CCDC178: variants seen among roughly 807,000 people sequenced by gnomAD.
The protein encoded by CCDC178 is coiled-coil domain-containing protein 178.
In CCDC178, 126 loss-of-function variants were observed where a neutral mutation model predicts 117.4. The ratio of observed to expected loss-of-function variants is 1.07; its 90% CI spans 0.93 to 1.24. The LOEUF is 1.24. Ranked by LOEUF, CCDC178 falls within the 50% of genes most tolerant of loss-of-function variation. The probability of loss-of-function intolerance (pLI) is 0.00; values close to 1 mark genes in which losing one functional copy is unlikely to be tolerated. For missense variants in CCDC178, 1,030 were observed against 986.9 expected (o/e 1.04, Z -0.59); for synonymous variants, 283 against 313.4 (o/e 0.90, Z 1.02).
intron 12 of CCDC178, among the ~76,000 whole-genome samples, chr18:33,284,348 A>G (rs1362459716): frequency 6.6e-6 from 1 of 152,172 alleles, no homozygotes; most frequent in South Asian, 2.1e-4. Flanking sequence ...CCCATGACAT[A>G]AGGTTACCTA....
At chr18:33,074,607 T>C (rs777919691) in intron 21 of CCDC178, among the ~76,000 whole-genome samples, 6 of 152,152 alleles carry the variant, frequency 3.9e-5, no homozygotes, top group Non-Finnish European at 7.4e-5. Context: ...ACACAAGAGA[T>C]ATTCTGTCTA....
intron 21 of CCDC178, among the ~76,000 whole-genome samples, chr18:33,051,856 A>G (rs1360591732): frequency 6.6e-6 from 1 of 152,210 alleles, no homozygotes; most frequent in Non-Finnish European, 1.5e-5. Context: ...TCAAATTAGT[A>G]TGCAACATAA....
At chr18:32,950,947 C>T (rs896522166) in intron 22 of CCDC178, among the ~76,000 whole-genome samples, 4 of 152,126 alleles carry the variant, frequency 2.6e-5, no homozygotes, top group Non-Finnish European at 5.9e-5. Flanking sequence ...TGTCTTCTAA[C>T]ATATTTTTTT....
intron 8 of CCDC178, among the ~76,000 whole-genome samples, chr18:33,347,091 A>C (rs1326241742): frequency 6.6e-6 from 1 of 152,248 alleles, no homozygotes; most frequent in East Asian, 1.9e-4. Context: ...GAACAAGCAC[A>C]TGGTCTTTGC....
intron 15 of CCDC178, among the ~76,000 whole-genome samples, chr18:33,233,696 T>C (rs1272047357): frequency 6.6e-6 from 1 of 152,062 alleles, no homozygotes; most frequent in African/African-American, 2.4e-5. Context: ...AGGTTGAATG[T>C]TTTATACACA....
chr18:33,393,508 T>C (rs574692356), intron 4 of CCDC178, among the ~76,000 whole-genome samples: 5 of 152,148 alleles, frequency 3.3e-5, no homozygotes, highest in South Asian at 2.1e-4. Context: ...TCATCTACTA[T>C]AGGCAACTGT....
chr18:33,297,958 C>T (rs891169143), intron 11 of CCDC178, among the ~76,000 whole-genome samples: 3 of 151,640 alleles, frequency 2.0e-5, no homozygotes, highest in Non-Finnish European at 2.9e-5. Flanking sequence ...AGGAGAATGG[C>T]GTGAACCTGG....
chr18:33,397,323 T>C (rs2063653228), intron 3 of CCDC178, 115 bp from the exon 4 acceptor site: 4 of 576,908 alleles, frequency 6.9e-6, no homozygotes, highest in East Asian at 6.0e-5. Flanking sequence ...TAAAGACATA[T>C]AGGCTAAATT....
At chr18:33,289,292 T>C (rs1393938269) in intron 12 of CCDC178, among the ~76,000 whole-genome samples, 3 of 152,156 alleles carry the variant, frequency 2.0e-5, no homozygotes, top group Non-Finnish European at 2.9e-5. Flanking sequence ...ATCTTGAATC[T>C]TATTTGCAAG....
Position 33,207,915 on chromosome 18 carries a change from G to A in CCDC178, c.2238+3981C>T, listed in dbSNP as rs547716127. On this transcript the variant is annotated intron_variant, in intron 20 of 22. Transcript: ENST00000383096. The stretch of plus-strand genomic sequence containing the variant: ...ATATTTAGGAATCACCCATATCCAC[G>A]CCCCATCCTTCCTCTATATTCTAGT... 4.6e-5 allele frequency among the ~76,000 whole-genome samples: 7 copies of A among 151,860 alleles called. No homozygotes were observed. In the South Asian group the frequency reaches 8.3e-4, roughly 18 times the overall value.
intron 9 of CCDC178, among the ~76,000 whole-genome samples, chr18:33,342,345 GAAAC>G: frequency 6.6e-6 from 1 of 152,296 alleles, no homozygotes; most frequent in Admixed American, 6.5e-5. Context: ...ATAGTTATAA[GAAAC>G]AAGACATGAT....
At chr18:33,051,356 A>G (rs2056744457) in intron 21 of CCDC178, among the ~76,000 whole-genome samples, 1 of 152,228 alleles carries the variant, frequency 6.6e-6, no homozygotes, top group Admixed American at 6.5e-5. Context: ...TATCCTGATG[A>G]AGGCGAGAAA....
At chr18:33,239,953 GAAA>G (rs2059467504) in intron 15 of CCDC178, among the ~76,000 whole-genome samples, 1 of 151,822 alleles carries the variant, frequency 6.6e-6, no homozygotes, top group Non-Finnish European at 1.5e-5. Context: ...ATCAGCACAT[GAAA>G]TATTCTCCAG....
chr18:33,010,558 T>C lies in CCDC178; in HGVS notation c.2389-35877A>G, dbSNP rs114148658. Among the ~76,000 whole-genome samples the C allele has an allele frequency of 9.2e-3, 1,404 of 152,266 alleles. 22 individuals carry two copies. Among genetic ancestry groups the C allele is most frequent in the African/African-American group, 0.032 (1,347 of 41,554 alleles). Reference sequence around the variant, plus strand: ...AAAACACATCTCAGTCTAGCTGCCTTAGGTGGCAAATTTTTGGCATGCTTG... The same window carrying C: ...AAAACACATCTCAGTCTAGCTGCCTCAGGTGGCAAATTTTTGGCATGCTTG... On this transcript the variant is annotated intron_variant, in intron 21 of 22. Transcript: ENST00000383096.
At chr18:33,371,782 T>TACACACACACACACAC (rs769582307) in intron 5 of CCDC178, among the ~76,000 whole-genome samples, 1 of 53,564 alleles carries the variant, frequency 1.9e-5, no homozygotes, top group African/African-American at 5.1e-5. Flanking sequence ...CATAAACATA[T>TACACACACACACACAC]ATACACACAC....
chr18:33,269,677 A>T (rs2059862888), intron 12 of CCDC178, among the ~76,000 whole-genome samples: 1 of 151,850 alleles, frequency 6.6e-6, no homozygotes, highest in African/African-American at 2.4e-5. Context: ...AAGACAACAG[A>T]CTTTACTTAA....
chr18:33,290,704 C>T (rs1425632836), intron 12 of CCDC178, among the ~76,000 whole-genome samples: 1 of 151,964 alleles, frequency 6.6e-6, no homozygotes, highest in Non-Finnish European at 1.5e-5. Flanking sequence ...ATAATTAACA[C>T]CCATTATGGA....
intron 22 of CCDC178, among the ~76,000 whole-genome samples, chr18:32,967,020 A>T (rs955801786): frequency 3.3e-5 from 5 of 151,730 alleles, no homozygotes; most frequent in African/African-American, 1.2e-4. Flanking sequence ...CTTCTTTATC[A>T]AATTATCAAG....
At chr18:33,396,261 A>T (rs1366709069) in intron 4 of CCDC178, among the ~76,000 whole-genome samples, 1 of 152,138 alleles carries the variant, frequency 6.6e-6, no homozygotes, top group African/African-American at 2.4e-5. Flanking sequence ...ATTGCTACAT[A>T]GTATGGGGAT....
Sources: allele counts gnomAD v4.1 joint callset (sites outside exome capture counted in the v4.1 genomes callset), GRCh38; gene constraint gnomAD v4.1.1; transcripts MANE v1.5; gene names NCBI Gene and HGNC (gene_info 2026-07-23, HGNC 2026-07-21).